PHC3: variants seen among roughly 807,000 people sequenced by gnomAD.
PHC3 encodes the protein polyhomeotic homolog 3, also known as polyhomeotic-like protein 3.
A neutral mutation model predicts 107.4 loss-of-function variants in PHC3; 13 were observed. That is an observed-to-expected ratio of 0.12 (90% CI 0.08 to 0.19). The LOEUF (loss-of-function observed/expected upper bound fraction) is 0.19, where lower values mean the gene tolerates loss of function less well. Among genes scored for constraint, PHC3 ranks in the 10% least tolerant of loss-of-function variants. PHC3 has a pLI of 1.00. For missense variants in PHC3, 992 were observed against 1,210.9 expected, an observed-to-expected ratio of 0.82 and a Z score of 2.68; for synonymous variants, 456 against 427.4, an observed-to-expected ratio of 1.07 and a Z score of -0.83.
intron 4 of PHC3, among the ~76,000 whole-genome samples, chr3:170,151,697 G>A (rs1358609530): frequency 1.3e-5 from 2 of 152,210 alleles, no homozygotes; most frequent in African/African-American, 2.4e-5. Context: ...CCACCCATAC[G>A]TTCTGAGAAA....
intron 7 of PHC3, among the ~76,000 whole-genome samples, chr3:170,131,844 A>T (rs1722307822): frequency 6.6e-6 from 1 of 152,236 alleles, no homozygotes; most frequent in Non-Finnish European, 1.5e-5. Context: ...CTCAAAAAAA[A>T]AGAATAACAA....
intron 12 of PHC3, among the ~76,000 whole-genome samples, chr3:170,105,975 G>A (rs1716424044): frequency 1.3e-5 from 2 of 152,154 alleles, no homozygotes; most frequent in East Asian, 1.9e-4. Flanking sequence ...ACTTTGGGAG[G>A]CCAAGGCGGG....
Position 170,109,008 on chromosome 3 carries a change from TAAAG to T in PHC3, c.2354-2066_2354-2063del, listed in dbSNP as rs1717113705. Reference sequence around the variant, plus strand: ...AGAGTAGTATAAGTTTTATTTCTCATAAAGAAGCGAGGGACATTAACAGATTCAA... The same window carrying T: ...AGAGTAGTATAAGTTTTATTTCTCATAAGCGAGGGACATTAACAGATTCAA... On this transcript the variant is annotated intron_variant, in intron 11 of 14. Transcript: ENST00000495893. 2.6e-5 allele frequency among the ~76,000 whole-genome samples: 4 copies of T among 152,308 alleles called. No homozygotes were observed. The South Asian group carries it at 8.3e-4, about 32-fold the overall frequency.
At chr3:170,156,343 G>A (rs961772623) in intron 4 of PHC3, among the ~76,000 whole-genome samples, 7 of 151,950 alleles carry the variant, frequency 4.6e-5, no homozygotes, top group Non-Finnish European at 8.8e-5. Flanking sequence ...TGCAACCTCC[G>A]CCTCCTGGGT....
chr3:170,151,062 T>G, intron 4 of PHC3, among the ~76,000 whole-genome samples: 1 of 151,788 alleles, frequency 6.6e-6, no homozygotes, highest in Non-Finnish European at 1.5e-5. Flanking sequence ...AATACAAAAA[T>G]TAGCCAGGTG....
At chr3:170,152,536 C>A (rs1418613520) in intron 4 of PHC3, among the ~76,000 whole-genome samples, 4 of 151,762 alleles carry the variant, frequency 2.6e-5, no homozygotes, top group Non-Finnish European at 4.4e-5. Context: ...ATCACCTTAA[C>A]AATAGTCACC....
At position 170,097,203 on chromosome 3, in the gene PHC3, C is replaced by T; in HGVS notation, c.*27G>A. On this transcript the variant is annotated 3_prime_UTR_variant, in exon 15 of 15. Coordinates refer to ENST00000495893, the MANE Select transcript of PHC3 (RefSeq NM_024947.4). This position sits in a 1 kb window ranked among gnomAD's most constrained non-coding sequence, Gnocchi z 4.1. ...AGTTTTTGTGAGAAAAGTAAAACTG[C>T]TGTTTTATCAAGGCTTCATGTTCCT... 1 of 1,567,660 alleles carries T rather than the reference C, an allele frequency of 6.4e-7. No individual in the cohort carries two copies. The highest frequency in any genetic ancestry group is 8.7e-7 in the Non-Finnish European group (1 of 1,149,608).
chr3:170,093,668 A>AATGT lies in PHC3; in HGVS notation c.*3561_*3562insACAT. The stretch of plus-strand genomic sequence containing the variant: ...GTACATAATGTACTTTAAGACATTT[A>AATGT]ACTGAACAAGTCAGTGGGAGACAGG... On this transcript the variant is annotated 3_prime_UTR_variant, in exon 15 of 15. Coordinates refer to ENST00000495893, the MANE Select transcript of PHC3 (RefSeq NM_024947.4). 6.6e-6 allele frequency: 1 copy of AATGT among 152,246 alleles called. No individual in the cohort carries two copies. Among genetic ancestry groups the AATGT allele is most frequent in the African/African-American group, 2.4e-5 (1 of 41,460 alleles). The allele number at this position is 152,246 out of a possible 1,614,324, so 9.4% of individuals were successfully genotyped here.
At chr3:170,150,417 C>T (rs1221598200) in intron 4 of PHC3, among the ~76,000 whole-genome samples, 1 of 150,592 alleles carries the variant, frequency 6.6e-6, no homozygotes, top group African/African-American at 2.4e-5. Flanking sequence ...CATTGTTGGC[C>T]GGGCGCAGTG....
intron 9 of PHC3, 64 bp from the exon 10 acceptor site, chr3:170,117,540 A>T (rs1258802472): frequency 6.7e-7 from 1 of 1,487,506 alleles, no homozygotes; most frequent in Non-Finnish European, 9.0e-7. Context: ...CAAATGAAAG[A>T]GAATTAAGGA....
rs1713649247 is a variant in PHC3, at chr3:170,087,905, C to A, written c.*9325G>T. 6.6e-6 allele frequency: 1 copy of A among 152,086 alleles called. No homozygotes were observed. Among genetic ancestry groups the A allele is most frequent in the Non-Finnish European group, 1.5e-5 (1 of 68,000 alleles). 9.4% of individuals were successfully genotyped at this position (152,086 alleles called of 1,614,324 possible). On this transcript the variant is annotated 3_prime_UTR_variant, in exon 15 of 15. Coordinates refer to ENST00000495893, the MANE Select transcript of PHC3 (RefSeq NM_024947.4). Reference sequence around the variant, plus strand: ...AAAATCTAAATTCATACACATGCTACTTAATATGAAAGTGCTTTCTCTTTT... The same window carrying A: ...AAAATCTAAATTCATACACATGCTAATTAATATGAAAGTGCTTTCTCTTTT...
intron 4 of PHC3, among the ~76,000 whole-genome samples, chr3:170,156,215 T>C (rs1385319463): frequency 6.6e-6 from 1 of 152,122 alleles, no homozygotes; most frequent in African/African-American, 2.4e-5. Flanking sequence ...CCTCCCAAAG[T>C]GCTGGGATTA....
At position 170,096,313 on chromosome 3, in the gene PHC3, G is replaced by A. The variant is rs1003037354; in HGVS notation, c.*917C>T. The A allele has an allele frequency of 6.6e-6, 1 of 151,926 alleles. No homozygotes were observed. Among genetic ancestry groups the A allele is most frequent in the African/African-American group, 2.4e-5 (1 of 41,324 alleles). The allele number at this position is 151,926 out of a possible 1,614,324, so 9.4% of individuals were successfully genotyped here. A position where few individuals can be genotyped will look rare whatever the true frequency, so the allele number is the denominator to read the frequency against. On this transcript the variant is annotated 3_prime_UTR_variant, in exon 15 of 15. Coordinates refer to ENST00000495893, the MANE Select transcript of PHC3 (RefSeq NM_024947.4). Reference sequence around the variant, plus strand: ...TCATCCTTTAAAAGTATTCCTTTGGGTGAAAACAATATTTATCACTCCTTC... The same window carrying A: ...TCATCCTTTAAAAGTATTCCTTTGGATGAAAACAATATTTATCACTCCTTC...
intron 14 of PHC3, among the ~76,000 whole-genome samples, chr3:170,100,441 A>G (rs1356275750): frequency 6.6e-6 from 1 of 152,196 alleles, no homozygotes; most frequent in Admixed American, 6.6e-5. Flanking sequence ...GATACAACTA[A>G]TCACACAAAT....
At chr3:170,135,512 T>TACACAC (rs200069803) in intron 7 of PHC3, among the ~76,000 whole-genome samples, 1,841 of 151,674 alleles carry the variant, frequency 0.012, 40 homozygotes, top group African/African-American at 0.042. Flanking sequence ...CACATACACA[T>TACACAC]ACACACACAC....
At chr3:170,176,494 T>C (rs925755868) in intron 2 of PHC3, among the ~76,000 whole-genome samples, 8 of 152,152 alleles carry the variant, frequency 5.3e-5, no homozygotes, top group African/African-American at 1.9e-4. Flanking sequence ...ATTATAAGGA[T>C]TCTACCAGAA....
chr3:170,163,102 T>C (rs1728157498), intron 4 of PHC3, among the ~76,000 whole-genome samples: 1 of 152,198 alleles, frequency 6.6e-6, no homozygotes, highest in Admixed American at 6.5e-5. Flanking sequence ...TTGTTTGTTG[T>C]GGTACTGTAT....
At chr3:170,111,313 GGAAGGAAC>G (rs1553779833) in intron 11 of PHC3, among the ~76,000 whole-genome samples, 9,275 of 110,858 alleles carry the variant, frequency 0.084, 501 homozygotes, top group Non-Finnish European at 0.11. Flanking sequence ...AAGGAAGGAA[GGAAGGAAC>G]GAACGAACGA....
At chr3:170,140,490 G>C (rs750378560) in intron 6 of PHC3, among the ~76,000 whole-genome samples, 51 of 150,710 alleles carry the variant, frequency 3.4e-4, no homozygotes, top group Non-Finnish European at 6.3e-4. Context: ...CTGGCCTCAA[G>C]TGATCCACCC....
Sources: gnomAD v4.1 joint callset for allele counts (sites outside exome capture counted in the v4.1 genomes callset) on GRCh38, gnomAD v4.1.1 for gene constraint, Gnocchi (gnomAD v3.1) non-coding constraint, MANE v1.5 for transcripts, NCBI Gene and HGNC (gene_info 2026-07-23, HGNC 2026-07-21) for gene names.